The following GABRA4 variants were observed in gnomAD, a reference collection of about 807,000 sequenced individuals.
The protein encoded by GABRA4 is gamma-aminobutyric acid type A receptor subunit alpha4.
GABRA4 carries 12 observed loss-of-function variants against 49.7 expected under a neutral mutation model. That is an observed-to-expected ratio of 0.24 (90% CI 0.15 to 0.39). GABRA4 has a LOEUF of 0.39. Ranked by LOEUF, GABRA4 falls within the 10% of genes least tolerant of loss-of-function variation. The pLI, the probability that GABRA4 is intolerant of heterozygous loss-of-function variation, is 1.00. For missense variants in GABRA4, 506 were observed against 686.0 expected, an observed-to-expected ratio of 0.74 and a Z score of 2.93; for synonymous variants, 288 against 240.2, an observed-to-expected ratio of 1.20 and a Z score of -1.84.
intron 8 of GABRA4, among the ~76,000 whole-genome samples, chr4:46,958,345 T>C (rs1722438329): frequency 6.6e-6 from 1 of 151,974 alleles, no homozygotes; most frequent in South Asian, 2.1e-4. Context: ...CACTGATTTT[T>C]TTCATAAGAT....
intron 8 of GABRA4, among the ~76,000 whole-genome samples, chr4:46,950,636 T>C (rs1722135768): frequency 1.3e-5 from 2 of 151,728 alleles, no homozygotes; most frequent in South Asian, 4.2e-4. Context: ...AGAAGCAGCA[T>C]GTGAAAGTTA....
chr4:46,938,417 A>G, intron 8 of GABRA4, among the ~76,000 whole-genome samples: 1 of 152,106 alleles, frequency 6.6e-6, no homozygotes, highest in East Asian at 1.9e-4. Flanking sequence ...ACATCAGCAA[A>G]GGCAACAGGG....
chr4:46,988,666 G>T (rs935581218), intron 2 of GABRA4, among the ~76,000 whole-genome samples: 3 of 152,118 alleles, frequency 2.0e-5, no homozygotes, highest in Admixed American at 6.5e-5. Flanking sequence ...AGTTGTTAAA[G>T]CTTTAGAACA....
chr4:46,937,387 T>C (rs751676769), intron 8 of GABRA4, among the ~76,000 whole-genome samples: 1 of 152,162 alleles, frequency 6.6e-6, no homozygotes, highest in Non-Finnish European at 1.5e-5. Context: ...TAATCTAACG[T>C]CAATAAAATT....
At chr4:46,967,418 C>T (rs1360304570) in intron 7 of GABRA4, among the ~76,000 whole-genome samples, 2 of 150,898 alleles carry the variant, frequency 1.3e-5, no homozygotes, top group African/African-American at 4.9e-5. Context: ...TTCATCTTCT[C>T]CTCTTATCAT....
chr4:46,952,540 T>G (rs1465250670), intron 8 of GABRA4, among the ~76,000 whole-genome samples: 1 of 152,116 alleles, frequency 6.6e-6, no homozygotes, highest in African/African-American at 2.4e-5. Flanking sequence ...CAAACTGATG[T>G]TTCTTGAAAC....
Position 46,951,343 on chromosome 4 carries a change from A to T in GABRA4, c.1134+13627T>A, listed in dbSNP as rs1051987892. 1.4e-4 allele frequency among the ~76,000 whole-genome samples: 21 copies of T among 151,294 alleles called. 1 individual carries two copies. Among genetic ancestry groups the T allele is most frequent in the African/African-American group, 5.1e-4 (21 of 41,426 alleles). On this transcript the variant is annotated intron_variant, in intron 8 of 8. Transcript: ENST00000264318. ...TAATATTTTACAAAGACTACATTGT[A>T]TTCATACAGTCTTTCATTCATTGAC...
chr4:46,992,914 T>C lies in GABRA4; in HGVS notation c.119A>G (p.Glu40Gly). The C allele has an allele frequency of 6.2e-7, 1 of 1,612,370 alleles. No individual in the cohort carries two copies. Among genetic ancestry groups the C allele is most frequent in the Non-Finnish European group, 8.5e-7 (1 of 1,179,494 alleles). ...GAAATTTTCTGTGCACAATTTCTCC[T>C]CCTTTTGGTTCTGTCCTGGGGATTC... is the stretch of plus-strand genomic sequence containing the variant. ...LNESPGQNQK[E>G]EKLCTENFTR... is the part of the protein sequence containing the mutation. The change falls in exon 2 of 9, where the codon GAG becomes GGG. Residue 40 changes from glutamate to glycine, a missense_variant. Glu to Gly is a moderately conservative substitution (Grantham distance 98, BLOSUM62 -2). This residue lies in a region of GABRA4 where 195 missense variants were observed against 326.0 expected (regional missense o/e 0.60). Transcript: ENST00000264318.
At chr4:46,989,712 T>C (rs1723676427) in intron 2 of GABRA4, among the ~76,000 whole-genome samples, 1 of 152,272 alleles carries the variant, frequency 6.6e-6, no homozygotes, top group Non-Finnish European at 1.5e-5. Flanking sequence ...CTTTTAGCTT[T>C]GTTTGAAATG....
intron 8 of GABRA4, among the ~76,000 whole-genome samples, chr4:46,951,139 GGT>G (rs1393091023): frequency 6.6e-6 from 1 of 151,902 alleles, no homozygotes; most frequent in African/African-American, 2.4e-5. Flanking sequence ...GGTCGTTTGT[GGT>G]TAAGAGAAGA....
chr4:46,990,273 G>A (rs866875666), intron 2 of GABRA4, among the ~76,000 whole-genome samples: 4 of 152,166 alleles, frequency 2.6e-5, no homozygotes, highest in Non-Finnish European at 1.5e-5. Flanking sequence ...ATTTGGCAGT[G>A]ACAAATTAGA....
Position 46,964,982 on chromosome 4 carries a change from T to C in GABRA4, c.1122A>G (p.Glu374=). 6.2e-7 allele frequency: 1 copy of C among 1,601,890 alleles called. No individual in the cohort carries two copies. The highest frequency in any genetic ancestry group is 1.7e-4 in the Middle Eastern group (1 of 5,986). Residue 374 remains glutamate, a synonymous_variant, in exon 8 of 9, where the codon GAA becomes GAG. Coordinates refer to ENST00000264318, the MANE Select transcript of GABRA4 (RefSeq NM_000809.4). The stretch of plus-strand genomic sequence containing the variant: ...TTAAGTCAAATACCTGCAGAGGGGC[T>C]TCAGGATGCTTCTCTCTCTGCACTG... The part of the protein sequence containing the change: ...AAPVQREKHP[E]APLQNTNANL...
chr4:46,971,533 G>A (rs1031831838), intron 6 of GABRA4, among the ~76,000 whole-genome samples: 1 of 151,288 alleles, frequency 6.6e-6, no homozygotes, highest in African/African-American at 2.4e-5. Context: ...TATTGCTAAG[G>A]CAATTAGCTT....
chr4:46,946,412 AC>A, intron 8 of GABRA4, among the ~76,000 whole-genome samples: 1 of 152,246 alleles, frequency 6.6e-6, no homozygotes, highest in South Asian at 2.1e-4. Flanking sequence ...TAAAAACAGC[AC>A]TTTTCTACAC....
At chr4:46,944,758 A>G (rs749450533) in intron 8 of GABRA4, among the ~76,000 whole-genome samples, 3 of 152,030 alleles carry the variant, frequency 2.0e-5, no homozygotes, top group African/African-American at 7.2e-5. Context: ...CAAATCTTAC[A>G]CCATATAAAC....
At chr4:46,930,532 G>A (rs1345566160) in intron 8 of GABRA4, among the ~76,000 whole-genome samples, 3 of 151,178 alleles carry the variant, frequency 2.0e-5, no homozygotes, top group Non-Finnish European at 4.4e-5. Context: ...TATAATGAAA[G>A]GTAAAATATA....
In GABRA4 at chr4:46,928,488, C is replaced by A; in HGVS notation, c.1402G>T (p.Ala468Ser). 6.2e-7 allele frequency: 1 copy of A among 1,613,590 alleles called. No individual in the cohort carries two copies. Among genetic ancestry groups the A allele is most frequent in the Non-Finnish European group, 8.5e-7 (1 of 1,179,674 alleles). ...CGAGTAGAAGCAGATCCAACTGAAG[C>A]CTTTCGAGGCATATATCCAGTTCGG... ...SIRTGYMPRK[A>S]SVGSASTRHV... Residue 468 changes from alanine to serine, a missense_variant, in exon 9 of 9, where the codon GCT (alanine) becomes TCT (serine). By Grantham distance (99) the Ala-to-Ser change is moderately conservative. Around this residue, in one of 5 missense-constraint regions of GABRA4, gnomAD observed 243 missense variants for 210.8 expected, o/e 1.15. Coordinates refer to ENST00000264318, the MANE Select transcript of GABRA4 (RefSeq NM_000809.4).
At chr4:46,971,760 A>G (rs990657652) in intron 6 of GABRA4, among the ~76,000 whole-genome samples, 6 of 151,172 alleles carry the variant, frequency 4.0e-5, no homozygotes, top group Admixed American at 2.0e-4. Flanking sequence ...ATACACAGTC[A>G]CAAGCTTAGA....
At chr4:46,966,621 G>A (rs748404913) in intron 7 of GABRA4, among the ~76,000 whole-genome samples, 1 of 151,628 alleles carries the variant, frequency 6.6e-6, no homozygotes, top group Non-Finnish European at 1.5e-5. Flanking sequence ...CTAGGCACAA[G>A]ATAAATGCAT....
Sources: gnomAD v4.1 joint callset for allele counts (sites outside exome capture counted in the v4.1 genomes callset) on GRCh38, gnomAD v4.1.1 for gene constraint, gnomAD v4.1.1 regional missense constraint, MANE v1.5 for transcripts, NCBI Gene and HGNC (gene_info 2026-07-23, HGNC 2026-07-21) for gene names.